The following PAK2 variants were observed in gnomAD, a reference collection of about 807,000 sequenced individuals.
PAK2 encodes the protein p21 (RAC1) activated kinase 2.
A neutral mutation model predicts 65.9 loss-of-function variants in PAK2; 21 were observed. The observed-to-expected ratio is 0.32, with a 90% CI of 0.23 to 0.46. PAK2 has a LOEUF of 0.46. Ranked by LOEUF, PAK2 falls within the 20% of genes least tolerant of loss-of-function variation. The probability of loss-of-function intolerance (pLI) is 1.00; values close to 1 mark genes in which losing one functional copy is unlikely to be tolerated. For missense variants in PAK2, 324 were observed against 642.6 expected, an observed-to-expected ratio of 0.50 and a Z score of 5.36; for synonymous variants, 204 against 219.7, an observed-to-expected ratio of 0.93 and a Z score of 0.63.
rs55963334 is a variant in PAK2, at chr3:196,795,292, C to CAAA, written c.188-6624_188-6622dup. The stretch of plus-strand genomic sequence containing the variant: ...GCAACATGGCAAAATCCCATCTCTA[C>CAAA]AAAAAAAAAAAAAGAAAAAAAGAAA... On this transcript the variant is annotated intron_variant, in intron 2 of 14. Transcript: ENST00000327134. 2.4e-3 allele frequency among the ~76,000 whole-genome samples: 320 copies of CAAA among 136,150 alleles called. 3 individuals carry two copies. The highest frequency in any genetic ancestry group is 7.5e-3 in the African/African-American group (268 of 35,754). The allele number at this position is 136,150 out of a possible 152,430, so 89.3% of individuals were successfully genotyped here.
chr3:196,803,167 A>G lies in PAK2; in HGVS notation c.436+3A>G. 1 of 1,596,178 alleles carries G rather than the reference A, an allele frequency of 6.3e-7. No homozygotes were observed. The highest frequency in any genetic ancestry group is 2.3e-5 in the East Asian group (1 of 44,302). ...ATATCTGAGCTTTACTCCTCCTGGT[A>G]AGAGAGTGGCATAAGGCTGGATCAG... On this transcript the variant is annotated splice_donor_region_variant and intron_variant, in intron 4 of 14. Transcript: ENST00000327134.
At position 196,806,519 on chromosome 3, in the gene PAK2, C is replaced by T. The variant is rs149587976; in HGVS notation, c.469-60C>T. The T allele has an allele frequency of 1.0e-3, 1,060 of 1,011,620 alleles. 2 individuals are homozygous for T. In the African/African-American group the frequency reaches 0.014, roughly 14 times the overall value. 62.7% of individuals were successfully genotyped at this position (1,011,620 alleles called of 1,614,324 possible). On this transcript the variant is annotated intron_variant, in intron 5 of 14. Coordinates refer to ENST00000327134, the MANE Select transcript of PAK2 (RefSeq NM_002577.4). ...CTTTTTGAAGTACGTTCATAAAGGGCGATAGTCGCATTTAAGCCTATTGGA... is the reference window on the plus strand; with the variant it reads ...CTTTTTGAAGTACGTTCATAAAGGGTGATAGTCGCATTTAAGCCTATTGGA...
At chr3:196,781,536 G>T (rs1301022113) in intron 1 of PAK2, among the ~76,000 whole-genome samples, 1 of 152,194 alleles carries the variant, frequency 6.6e-6, no homozygotes. Flanking sequence ...TTTCAGCCAT[G>T]CTCTGTGTTT....
chr3:196,787,580 GAAAA>G (rs58321910), intron 2 of PAK2, among the ~76,000 whole-genome samples: 1 of 127,534 alleles, frequency 7.8e-6, no homozygotes, highest in Non-Finnish European at 1.7e-5. Context: ...CTCCGTCTCA[GAAAA>G]AAAAAAAAAA....
At chr3:196,747,983 C>G (rs1181665485) in intron 1 of PAK2, among the ~76,000 whole-genome samples, 1 of 152,010 alleles carries the variant, frequency 6.6e-6, no homozygotes. Context: ...AACTTCCTGC[C>G]CTTCAGTGTG....
At chr3:196,800,533 C>T (rs772783449) in intron 2 of PAK2, among the ~76,000 whole-genome samples, 4 of 152,150 alleles carry the variant, frequency 2.6e-5, no homozygotes, top group Non-Finnish European at 5.9e-5. Context: ...ACCTCGATTA[C>T]CCAAACAGCT....
At chr3:196,815,148 C>G (rs1036231150) in intron 11 of PAK2, among the ~76,000 whole-genome samples, 5 of 151,760 alleles carry the variant, frequency 3.3e-5, no homozygotes, top group Non-Finnish European at 7.4e-5. Flanking sequence ...CCACTGCACT[C>G]CAGCCTGGGC....
intron 1 of PAK2, among the ~76,000 whole-genome samples, chr3:196,749,261 C>A (rs1483093242): frequency 3.3e-5 from 5 of 151,998 alleles, no homozygotes; most frequent in African/African-American, 1.2e-4. Context: ...CGGGTACATA[C>A]CCAGAATGGA....
chr3:196,811,149 T>A (rs1715772675), intron 8 of PAK2, among the ~76,000 whole-genome samples: 1 of 151,196 alleles, frequency 6.6e-6, no homozygotes, highest in African/African-American at 2.4e-5. Context: ...TTCTGTGAAT[T>A]TAGAGTGAGG....
At chr3:196,772,292 G>C (rs1035307142) in intron 1 of PAK2, among the ~76,000 whole-genome samples, 2 of 152,120 alleles carry the variant, frequency 1.3e-5, no homozygotes, top group Admixed American at 6.5e-5. Context: ...CCCTGTGGCA[G>C]CCATCAAAGT....
intron 8 of PAK2, among the ~76,000 whole-genome samples, chr3:196,811,254 TCCC>T: frequency 1.9e-5 from 1 of 54,024 alleles, no homozygotes. Flanking sequence ...CTCCCTCCCC[TCCC>T]TCCCTTCCTT....
At chr3:196,747,470 T>A (rs1713426728) in intron 1 of PAK2, 1 of 152,224 alleles carries the variant, frequency 6.6e-6, no homozygotes. Flanking sequence ...TAGTTTTGAT[T>A]TCCTCTTTGA....
intron 1 of PAK2, among the ~76,000 whole-genome samples, chr3:196,742,099 CTTTTTT>C (rs60738699): frequency 2.3e-5 from 3 of 129,030 alleles, no homozygotes; most frequent in South Asian, 2.4e-4. Flanking sequence ...ATTAATATTT[CTTTTTT>C]TTTTTTTTTT....
At chr3:196,776,902 T>C (rs115270687) in intron 1 of PAK2, among the ~76,000 whole-genome samples, 1 of 152,208 alleles carries the variant, frequency 6.6e-6, no homozygotes, top group Non-Finnish European at 1.5e-5. Flanking sequence ...TCCACAATTA[T>C]GTGAAAGCTG....
At chr3:196,793,093 T>G (rs2108749564) in intron 2 of PAK2, among the ~76,000 whole-genome samples, 1 of 152,152 alleles carries the variant, frequency 6.6e-6, no homozygotes. Context: ...GGGGATTAGT[T>G]GAAAATCAAC....
At chr3:196,809,595 C>T (rs1353808933) in intron 7 of PAK2, among the ~76,000 whole-genome samples, 1 of 150,902 alleles carries the variant, frequency 6.6e-6, no homozygotes, top group Non-Finnish European at 1.5e-5. Flanking sequence ...AGTCACCACA[C>T]CTGGCCTGCT....
chr3:196,758,407 C>T lies in PAK2; in HGVS notation c.-22+18250C>T, dbSNP rs557706792. On this transcript the variant is annotated intron_variant, in intron 1 of 14. Coordinates refer to ENST00000327134, the MANE Select transcript of PAK2 (RefSeq NM_002577.4). ...TCATCAGTTCATTCTGGTTTGTCCA[C>T]GGCTTTCCTGGTTTTAGCACGACAC... Among the ~76,000 whole-genome samples the T allele has an allele frequency of 2.6e-5, 4 of 152,352 alleles. No homozygotes were observed. The East Asian group carries it at 7.7e-4, about 29-fold the overall frequency.
chr3:196,815,201 C>T (rs953131166), intron 11 of PAK2, among the ~76,000 whole-genome samples: 2 of 149,530 alleles, frequency 1.3e-5, no homozygotes, highest in South Asian at 2.1e-4. Flanking sequence ...AAAAGAAATA[C>T]ACCACTTAGC....
chr3:196,794,521 A>C (rs1300721963), intron 2 of PAK2, among the ~76,000 whole-genome samples: 1 of 152,248 alleles, frequency 6.6e-6, no homozygotes, highest in Non-Finnish European at 1.5e-5. Context: ...CACAGTGTCT[A>C]CACAGGAAAA....
Sources: gnomAD v4.1 joint callset for allele counts (sites outside exome capture counted in the v4.1 genomes callset) on GRCh38, gnomAD v4.1.1 for gene constraint, MANE v1.5 for transcripts, NCBI Gene and HGNC (gene_info 2026-07-23, HGNC 2026-07-21) for gene names.